The following PDE4D variants were observed in gnomAD, a reference collection of about 807,000 sequenced individuals.
PDE4D encodes the protein phosphodiesterase 4D.
A neutral mutation model predicts 87.4 loss-of-function variants in PDE4D; 24 were observed. The observed-to-expected ratio is 0.27, with a 90% CI of 0.20 to 0.39. The LOEUF (loss-of-function observed/expected upper bound fraction) is 0.39. PDE4D is among the 10% of genes least tolerant of loss of function. The probability of loss-of-function intolerance (pLI) is 1.00; values close to 1 mark genes in which losing one functional copy is unlikely to be tolerated. For missense variants in PDE4D, 714 were observed against 1,041.0 expected, an observed-to-expected ratio of 0.69 and a Z score of 4.32; for synonymous variants, 384 against 383.2, an observed-to-expected ratio of 1.00 and a Z score of -0.02.
intron 1 of PDE4D, among the ~76,000 whole-genome samples, chr5:59,865,488 T>C (rs1561786672): frequency 1.3e-5 from 2 of 152,186 alleles, no homozygotes; most frequent in African/African-American, 2.4e-5. Context: ...CCACAGCCTT[T>C]TGTAGAGCCA....
intron 1 of PDE4D, among the ~76,000 whole-genome samples, chr5:59,526,746 C>A (rs571729971): frequency 3.3e-5 from 5 of 152,282 alleles, no homozygotes; most frequent in East Asian, 3.9e-4. Flanking sequence ...ACCTCAGCCA[C>A]CCTAGTAGCT....
chr5:60,283,567 T>G (rs964589253), intron 1 of PDE4D, among the ~76,000 whole-genome samples: 5 of 152,204 alleles, frequency 3.3e-5, no homozygotes, highest in Non-Finnish European at 2.9e-5. Flanking sequence ...CCCAAATATG[T>G]TAGCAAATTC....
At chr5:60,173,733 A>T (rs1002548576) in intron 2 of PDE4D, among the ~76,000 whole-genome samples, 1 of 152,172 alleles carries the variant, frequency 6.6e-6, no homozygotes, top group Non-Finnish European at 1.5e-5. Context: ...AACAGTCAGC[A>T]GCTTCCATAT....
At chr5:60,110,123 T>C (rs1679516430) in intron 2 of PDE4D, among the ~76,000 whole-genome samples, 1 of 152,032 alleles carries the variant, frequency 6.6e-6, no homozygotes, top group Admixed American at 6.6e-5. Flanking sequence ...AAAAACTATT[T>C]GGCTAAGACT....
chr5:60,148,663 C>T (rs114169487), intron 2 of PDE4D, among the ~76,000 whole-genome samples: 1,615 of 152,244 alleles, frequency 0.011, 39 homozygotes, highest in African/African-American at 0.037. Flanking sequence ...GAAACACTGT[C>T]GTTAATAGTT....
intron 1 of PDE4D, among the ~76,000 whole-genome samples, chr5:59,816,524 A>G (rs2152684184): frequency 6.6e-6 from 1 of 152,320 alleles, no homozygotes; most frequent in South Asian, 2.1e-4. Flanking sequence ...TACCAAAAAT[A>G]CTAACATTTA....
chr5:59,479,281 C>T (rs73097356), intron 1 of PDE4D, among the ~76,000 whole-genome samples: 45,500 of 151,798 alleles, frequency 0.3, 11,739 homozygotes, highest in African/African-American at 0.71. Context: ...TCCTAAGCAC[C>T]GTCATGGTTG....
intron 1 of PDE4D, among the ~76,000 whole-genome samples, chr5:59,807,682 G>A (rs890136612): frequency 6.6e-6 from 1 of 152,176 alleles, no homozygotes; most frequent in African/African-American, 2.4e-5. Flanking sequence ...AACACTGAGG[G>A]AGCAGATAGA....
intron 11 of PDE4D, among the ~76,000 whole-genome samples, chr5:58,978,892 T>C (rs894653100): frequency 3.9e-5 from 6 of 152,190 alleles, no homozygotes; most frequent in African/African-American, 1.4e-4. Flanking sequence ...TAAAACTATA[T>C]AGGTTCTTAG....
chr5:60,039,788 T>C (rs1272562218), intron 2 of PDE4D, among the ~76,000 whole-genome samples: 1 of 152,058 alleles, frequency 6.6e-6, no homozygotes, highest in Admixed American at 6.5e-5. Context: ...CTTTCCTCAG[T>C]GGTAAAATTG....
At chr5:60,131,800 C>T (rs1562131759) in intron 2 of PDE4D, among the ~76,000 whole-genome samples, 1 of 152,212 alleles carries the variant, frequency 6.6e-6, no homozygotes, top group Non-Finnish European at 1.5e-5. Flanking sequence ...AACTAGTGCA[C>T]ATGCTCTTGA....
At chr5:60,304,499 G>A (rs1318334989) in intron 1 of PDE4D, among the ~76,000 whole-genome samples, 1 of 151,178 alleles carries the variant, frequency 6.6e-6, no homozygotes, top group African/African-American at 2.4e-5. Context: ...CAAAAAATTA[G>A]CCGGGCGCGG....
Position 59,663,480 on chromosome 5 carries a change from A to AT in PDE4D, c.455+229687dup, listed in dbSNP as rs200321117. Among the ~76,000 whole-genome samples, 127 of 152,128 alleles carry AT rather than the reference A, an allele frequency of 8.3e-4. 3 individuals carry two copies. The East Asian group carries it at 0.02, about 24-fold the overall frequency. Reference sequence around the variant, plus strand: ...GCCATCGTGCCCAGCCTCTGTTGATATTTTTCAAATAGAAAATCAATTTTA... The same window carrying AT: ...GCCATCGTGCCCAGCCTCTGTTGATATTTTTTCAAATAGAAAATCAATTTTA... On this transcript the variant is annotated intron_variant, in intron 1 of 14. Coordinates refer to ENST00000340635, the MANE Select transcript of PDE4D (RefSeq NM_001104631.2).
intron 2 of PDE4D, among the ~76,000 whole-genome samples, chr5:59,197,300 T>C (rs911136992): frequency 6.6e-6 from 1 of 152,180 alleles, no homozygotes; most frequent in African/African-American, 2.4e-5. Flanking sequence ...CAGCCTTTTT[T>C]CCCTATGAAA....
rs190695370 is a variant in PDE4D, at chr5:59,268,608, T to C, written c.456-52640A>G. On this transcript the variant is annotated intron_variant, in intron 1 of 14. Coordinates refer to ENST00000340635, the MANE Select transcript of PDE4D (RefSeq NM_001104631.2). ...AACCCCTGTATTATATTTTGAGATA[T>C]TGGATCACCTCTGGAAAGGCTTCCA... Among the ~76,000 whole-genome samples, 14 of 152,196 alleles carry C rather than the reference T, an allele frequency of 9.2e-5. No individual in the cohort carries two copies. The East Asian group carries it at 1.5e-3, about 17-fold the overall frequency.
At chr5:59,202,760 A>T (rs1025525002) in intron 2 of PDE4D, among the ~76,000 whole-genome samples, 2 of 152,074 alleles carry the variant, frequency 1.3e-5, no homozygotes, top group African/African-American at 4.8e-5. Context: ...CATCCACATA[A>T]GATGTGAATT....
intron 2 of PDE4D, among the ~76,000 whole-genome samples, chr5:60,039,077 C>G (rs1768153769): frequency 6.6e-6 from 1 of 151,456 alleles, no homozygotes; most frequent in Admixed American, 6.6e-5. Context: ...CCCAGCCATG[C>G]CATTACTGGG....
chr5:60,165,561 G>C (rs1170614414), intron 2 of PDE4D, among the ~76,000 whole-genome samples: 1 of 151,504 alleles, frequency 6.6e-6, no homozygotes, highest in East Asian at 1.9e-4. Flanking sequence ...TTAATATTTT[G>C]GTAGGGATTG....
At chr5:59,805,040 G>T (rs553738889) in intron 1 of PDE4D, among the ~76,000 whole-genome samples, 1 of 152,180 alleles carries the variant, frequency 6.6e-6, no homozygotes, top group Non-Finnish European at 1.5e-5. Context: ...TGATCCACCC[G>T]CCTCGGTCTC....
Sources: gnomAD v4.1 joint callset for allele counts (sites outside exome capture counted in the v4.1 genomes callset) on GRCh38, gnomAD v4.1.1 for gene constraint, MANE v1.5 for transcripts, NCBI Gene and HGNC (gene_info 2026-07-23, HGNC 2026-07-21) for gene names.